PKHD1: variants seen among roughly 807,000 people sequenced by gnomAD.
PKHD1 encodes the protein PKHD1 ciliary IPT domain containing fibrocystin/polyductin, also known as fibrocystin.
Under a neutral mutation model 412.0 loss-of-function variants are expected in PKHD1, and 291 were observed. The ratio of observed to expected loss-of-function variants is 0.71; its 90% CI spans 0.64 to 0.78. The LOEUF (loss-of-function observed/expected upper bound fraction) is 0.78, where lower values mean the gene tolerates loss of function less well. Ranked by LOEUF, PKHD1 falls within the 30% of genes least tolerant of loss-of-function variation. The pLI, the probability that PKHD1 is intolerant of heterozygous loss-of-function variation, is 0.00. For missense variants in PKHD1, 4,825 were observed against 4,950.7 expected (o/e 0.97, Z 0.76); for synonymous variants, 1,777 against 1,821.5 (o/e 0.98, Z 0.62).
chr6:51,705,241 T>C (rs1411674490), intron 60 of PKHD1, among the ~76,000 whole-genome samples: 1 of 151,622 alleles, frequency 6.6e-6, no homozygotes, highest in African/African-American at 2.4e-5. Flanking sequence ...GAGGATGGGA[T>C]TTTAAGAACC....
rs1174429085 is a variant in PKHD1, at chr6:51,807,437, CAA to C, written c.8303-16066_8303-16065del. On this transcript the variant is annotated intron_variant, in intron 52 of 66. Transcript: ENST00000371117. ...TGGGCAACAGAGCGAGACTCTGTCT[CAA>C]AAAAAAAAAAAAAAAAAAAATATAT... Among the ~76,000 whole-genome samples the C allele has an allele frequency of 9.0e-3, 352 of 39,068 alleles. 8 individuals carry two copies. Among genetic ancestry groups the C allele is most frequent in the African/African-American group, 0.029 (322 of 10,926 alleles). 25.6% of individuals were successfully genotyped at this position (39,068 alleles called of 152,430 possible).
chr6:51,746,499 T>C (rs1318484859), intron 59 of PKHD1, among the ~76,000 whole-genome samples: 1 of 152,110 alleles, frequency 6.6e-6, no homozygotes, highest in African/African-American at 2.4e-5. Context: ...GGGAGGGAAA[T>C]AGCCCCTGCC....
At chr6:51,921,033 C>T (rs1784612425) in intron 37 of PKHD1, among the ~76,000 whole-genome samples, 1 of 151,890 alleles carries the variant, frequency 6.6e-6, no homozygotes, top group Non-Finnish European at 1.5e-5. Flanking sequence ...ATTAGTCTTG[C>T]TAGTGGTCTA....
At chr6:51,677,361 T>C (rs4715229) in intron 60 of PKHD1, among the ~76,000 whole-genome samples, 35,428 of 152,006 alleles carry the variant, frequency 0.23, 4,853 homozygotes, top group East Asian at 0.42. Flanking sequence ...GAAGTGGCTT[T>C]CAATGCTCGG....
chr6:52,021,617 C>T (rs925766721), intron 33 of PKHD1, among the ~76,000 whole-genome samples: 4 of 152,174 alleles, frequency 2.6e-5, no homozygotes, highest in African/African-American at 9.6e-5. Context: ...GAACTTCAAT[C>T]TTCTATTGTA....
chr6:51,820,497 C>G lies in PKHD1; in HGVS notation c.8302+10364G>C, dbSNP rs1404716447. Among the ~76,000 whole-genome samples, 6 of 152,204 alleles carry G rather than the reference C, an allele frequency of 3.9e-5. No individual in the cohort carries two copies. The East Asian group carries it at 1.2e-3, about 29-fold the overall frequency. ...AGAACCAGTGCTAGGTACTGTTACT[C>G]AACCTTCTAACAGAGGAGCATATTA... is the stretch of plus-strand genomic sequence containing the variant. On this transcript the variant is annotated intron_variant, in intron 52 of 66. Coordinates refer to ENST00000371117, the MANE Select transcript of PKHD1 (RefSeq NM_138694.4).
intron 62 of PKHD1, among the ~76,000 whole-genome samples, chr6:51,648,605 G>T (rs963608159): frequency 6.6e-6 from 1 of 152,144 alleles, no homozygotes. Context: ...ATACTGAAAA[G>T]ATAAAATAGA....
chr6:51,930,719 G>A (rs1402060750), intron 37 of PKHD1, among the ~76,000 whole-genome samples: 2 of 152,180 alleles, frequency 1.3e-5, no homozygotes, highest in African/African-American at 4.8e-5. Flanking sequence ...GTCTGCCAAG[G>A]GCCTCATTCG....
chr6:51,693,740 C>A (rs1438651628), intron 60 of PKHD1, among the ~76,000 whole-genome samples: 1 of 152,130 alleles, frequency 6.6e-6, no homozygotes, highest in Non-Finnish European at 1.5e-5. Context: ...ACAATAACAA[C>A]AATAATAATA....
At chr6:51,996,159 C>T (rs973898523) in intron 35 of PKHD1, among the ~76,000 whole-genome samples, 4 of 146,394 alleles carry the variant, frequency 2.7e-5, no homozygotes, top group South Asian at 2.2e-4. Context: ...GCGCCTGCCA[C>T]GACGCCTGGC....
intron 36 of PKHD1, among the ~76,000 whole-genome samples, chr6:51,952,071 G>T (rs1790447524): frequency 6.6e-6 from 1 of 152,102 alleles, no homozygotes; most frequent in South Asian, 2.1e-4. Flanking sequence ...CTATCTATCT[G>T]TCTGTCTGCC....
In PKHD1 at chr6:51,899,132, T is replaced by C. The variant is rs1236315253; in HGVS notation, c.6996+4465A>G. Among the ~76,000 whole-genome samples the C allele has an allele frequency of 2.0e-5, 3 of 152,056 alleles. 1 individual carries two copies. Among genetic ancestry groups the C allele is most frequent in the Admixed American group, 6.6e-5 (1 of 15,264 alleles). ...TTCCTTCTGAAACTATTCCAATCCA[T>C]AGAAAAAGAGGGAATCCTCCCTAAC... On this transcript the variant is annotated intron_variant, in intron 43 of 66. Transcript: ENST00000371117.
chr6:51,758,014 A>AAGAGAGAGAGAGAGAGAGAGAG (rs10534219), intron 55 of PKHD1, among the ~76,000 whole-genome samples: 79 of 126,092 alleles, frequency 6.3e-4, no homozygotes, highest in East Asian at 1.5e-3. Context: ...ACCCTGCCAA[A>AAGAGAGAGAGAGAGAGAGAGAG]AGAGAGAGAG....
At chr6:51,732,686 G>A (rs1783369885) in intron 60 of PKHD1, among the ~76,000 whole-genome samples, 1 of 152,136 alleles carries the variant, frequency 6.6e-6, no homozygotes, top group South Asian at 2.1e-4. Context: ...TACTGTTGGT[G>A]GGAATGTAAA....
chr6:51,662,883 A>C (rs1293424188), intron 60 of PKHD1, among the ~76,000 whole-genome samples: 1 of 152,054 alleles, frequency 6.6e-6, no homozygotes, highest in Non-Finnish European at 1.5e-5. Flanking sequence ...TATGTCTCTT[A>C]ATGAAATTGG....
intron 60 of PKHD1, among the ~76,000 whole-genome samples, chr6:51,738,775 G>A (rs1784180510): frequency 6.6e-6 from 1 of 152,036 alleles, no homozygotes; most frequent in African/African-American, 2.4e-5. Context: ...ACATGCTGAG[G>A]CCCTTTTGGA....
At chr6:52,077,162 A>G (rs1008971248) in intron 5 of PKHD1, among the ~76,000 whole-genome samples, 5 of 152,164 alleles carry the variant, frequency 3.3e-5, no homozygotes, top group Admixed American at 6.5e-5. Context: ...TGTGAATGAA[A>G]AGAGTCACCC....
Position 51,885,750 on chromosome 6 carries a change from C to T in PKHD1, c.7215+117G>A, listed in dbSNP as rs1340616254. 3 of 751,708 alleles carry T rather than the reference C, an allele frequency of 4.0e-6. No homozygotes were observed. In the South Asian group the frequency reaches 4.5e-5, roughly 11 times the overall value. 46.6% of individuals were successfully genotyped at this position (751,708 alleles called of 1,614,324 possible). On this transcript the variant is annotated intron_variant, in intron 45 of 66. Coordinates refer to ENST00000371117, the MANE Select transcript of PKHD1 (RefSeq NM_138694.4). ...ATTGTGACAGCACAGCAATGCTCCCCTCAAGGGCAAGTCAATCCCATTTAA... is the reference window on the plus strand; with the variant it reads ...ATTGTGACAGCACAGCAATGCTCCCTTCAAGGGCAAGTCAATCCCATTTAA...
chr6:51,650,737 A>G (rs1770814323), intron 61 of PKHD1, among the ~76,000 whole-genome samples: 1 of 152,118 alleles, frequency 6.6e-6, no homozygotes, highest in Non-Finnish European at 1.5e-5. Flanking sequence ...GGTCCTAAGA[A>G]GCTCTTTAGT....
Sources: allele counts gnomAD v4.1 joint callset (sites outside exome capture counted in the v4.1 genomes callset), GRCh38; gene constraint gnomAD v4.1.1; transcripts MANE v1.5; gene names NCBI Gene and HGNC (gene_info 2026-07-23, HGNC 2026-07-21).